The following GRM7 variants were observed in gnomAD, a reference collection of about 807,000 sequenced individuals.
GRM7 encodes the protein glutamate metabotropic receptor 7.
In GRM7, 35 loss-of-function variants were observed where a neutral mutation model predicts 84.5. That is an observed-to-expected ratio of 0.41 (90% CI 0.32 to 0.55). The LOEUF (loss-of-function observed/expected upper bound fraction) is 0.55. GRM7 is among the 20% of genes least tolerant of loss of function. The pLI is 0.19. For synonymous variants in GRM7, 487 were observed against 455.1 expected, an observed-to-expected ratio of 1.07 and a Z score of -0.89; for missense variants, 1,003 against 1,194.6, an observed-to-expected ratio of 0.84 and a Z score of 2.36.
At chr3:6,898,628 C>A (rs1218302476) in intron 1 of GRM7, among the ~76,000 whole-genome samples, 1 of 151,934 alleles carries the variant, frequency 6.6e-6, no homozygotes, top group Non-Finnish European at 1.5e-5. Flanking sequence ...ATGACAGTGT[C>A]AAGAAAAAGA....
intron 2 of GRM7, among the ~76,000 whole-genome samples, chr3:7,276,765 CCCTTCCTTCCTTCCTTCCTT>C (rs1699074031): frequency 2.4e-4 from 1 of 4,234 alleles, no homozygotes; most frequent in Admixed American, 2.9e-3. Context: ...CTCTCTTTCT[CCCTTCCTTCCTTCCTTCCTT>C]CCTTCCTTCC....
At chr3:6,898,207 C>G (rs565055748) in intron 1 of GRM7, among the ~76,000 whole-genome samples, 46 of 152,108 alleles carry the variant, frequency 3.0e-4, no homozygotes, top group African/African-American at 1.1e-3. Flanking sequence ...CATGTGATGG[C>G]CATTACAGAA....
intron 4 of GRM7, among the ~76,000 whole-genome samples, chr3:7,384,084 A>C (rs1694693190): frequency 6.6e-6 from 1 of 152,156 alleles, no homozygotes; most frequent in Non-Finnish European, 1.5e-5. Flanking sequence ...GCTGGAGTGC[A>C]GTGGCGCAAT....
intron 1 of GRM7, among the ~76,000 whole-genome samples, chr3:7,116,984 C>G (rs1365784243): frequency 6.6e-6 from 1 of 152,092 alleles, no homozygotes; most frequent in Non-Finnish European, 1.5e-5. Context: ...AATTTTGACT[C>G]AGGCAATTTG....
At chr3:7,510,124 G>C (rs1250595588) in intron 7 of GRM7, among the ~76,000 whole-genome samples, 1 of 152,086 alleles carries the variant, frequency 6.6e-6, no homozygotes, top group Non-Finnish European at 1.5e-5. Context: ...CCCCCACTTT[G>C]ATAGTCCCTA....
At chr3:7,042,643 C>G (rs1379093105) in intron 1 of GRM7, among the ~76,000 whole-genome samples, 1 of 150,776 alleles carries the variant, frequency 6.6e-6, no homozygotes, top group African/African-American at 2.5e-5. Context: ...TTTTCTTTGG[C>G]ATTTTAGTTT....
chr3:7,572,573 G>A (rs1024915563), intron 7 of GRM7, among the ~76,000 whole-genome samples: 19 of 151,112 alleles, frequency 1.3e-4, no homozygotes, highest in South Asian at 6.3e-4. Flanking sequence ...TAATCCCAGC[G>A]CTTTGGGAGG....
intron 1 of GRM7, among the ~76,000 whole-genome samples, chr3:6,896,587 C>T (rs77747159): frequency 0.035 from 5,266 of 152,204 alleles, 143 homozygotes; most frequent in Non-Finnish European, 0.046. Flanking sequence ...TTGAGCTCAA[C>T]GTCTAGCATT....
chr3:7,436,580 A>G (rs141609304), intron 5 of GRM7, among the ~76,000 whole-genome samples: 216 of 152,330 alleles, frequency 1.4e-3, no homozygotes, highest in African/African-American at 4.9e-3. Flanking sequence ...TCATTATCAA[A>G]AGATACGGGA....
rs145607698 is a variant in GRM7, at chr3:6,881,303, C to A, written c.519+19396C>A. Among the ~76,000 whole-genome samples, 221 of 152,180 alleles carry A rather than the reference C, an allele frequency of 1.5e-3. 1 individual carries two copies. Among genetic ancestry groups the A allele is most frequent in the Non-Finnish European group, 2.1e-3 (140 of 68,010 alleles). ...TGCTCTCCCTTCCCTCACTCCACCC[C>A]CCAACAGTCTCCAGTGTGTGTTGTT... On this transcript the variant is annotated intron_variant, in intron 1 of 9. Coordinates refer to ENST00000357716, the MANE Select transcript of GRM7 (RefSeq NM_000844.4).
At chr3:7,721,242 T>C (rs1384172498) in intron 9 of GRM7, among the ~76,000 whole-genome samples, 1 of 152,236 alleles carries the variant, frequency 6.6e-6, no homozygotes, top group Non-Finnish European at 1.5e-5. Flanking sequence ...TTCATAAAGA[T>C]TCATCCCACA....
At chr3:7,169,291 G>A (rs1401663501) in intron 2 of GRM7, among the ~76,000 whole-genome samples, 1 of 152,060 alleles carries the variant, frequency 6.6e-6, no homozygotes, top group Non-Finnish European at 1.5e-5. Flanking sequence ...TATCCATTTT[G>A]TAGAAATACC....
intron 7 of GRM7, among the ~76,000 whole-genome samples, chr3:7,497,051 G>T (rs1699728720): frequency 7.6e-6 from 1 of 131,894 alleles, no homozygotes; most frequent in African/African-American, 2.6e-5. Context: ...CCCTTGCTTT[G>T]TCCACTTAAG....
chr3:7,483,569 G>A (rs527718182), intron 7 of GRM7, among the ~76,000 whole-genome samples: 1 of 152,194 alleles, frequency 6.6e-6, no homozygotes, highest in African/African-American at 2.4e-5. Context: ...TCTGTCTTGG[G>A]CCTGGAGAAG....
intron 1 of GRM7, among the ~76,000 whole-genome samples, chr3:6,972,578 A>G (rs1474587099): frequency 6.6e-6 from 1 of 152,156 alleles, no homozygotes; most frequent in South Asian, 2.1e-4. Flanking sequence ...TTAGATACTA[A>G]TGTCAAAAGG....
chr3:7,367,695 G>A (rs747823627), intron 4 of GRM7, among the ~76,000 whole-genome samples: 7 of 151,676 alleles, frequency 4.6e-5, no homozygotes, highest in Non-Finnish European at 1.0e-4. Context: ...ACAGTGTAGT[G>A]TGGAATGGTA....
At chr3:7,178,853 G>A (rs1363488385) in intron 2 of GRM7, among the ~76,000 whole-genome samples, 1 of 152,020 alleles carries the variant, frequency 6.6e-6, no homozygotes, top group Non-Finnish European at 1.5e-5. Context: ...GGCCGAGGTG[G>A]GTGGATCACT....
intron 1 of GRM7, among the ~76,000 whole-genome samples, chr3:7,008,054 G>A (rs1341557714): frequency 1.3e-5 from 2 of 152,048 alleles, no homozygotes; most frequent in East Asian, 3.9e-4. Flanking sequence ...GCAAGTAAAA[G>A]ATGGTATAGA....
intron 1 of GRM7, among the ~76,000 whole-genome samples, chr3:6,874,298 G>A (rs748087475): frequency 1.2e-4 from 18 of 152,040 alleles, no homozygotes; most frequent in Non-Finnish European, 2.4e-4. Context: ...TTCTTAAATT[G>A]CACATGATCT....
Sources: gnomAD v4.1 joint callset for allele counts (sites outside exome capture counted in the v4.1 genomes callset) on GRCh38, gnomAD v4.1.1 for gene constraint, MANE v1.5 for transcripts, NCBI Gene and HGNC (gene_info 2026-07-23, HGNC 2026-07-21) for gene names.